The following PLXDC2 variants were observed in gnomAD, a reference collection of about 807,000 sequenced individuals.
The protein encoded by PLXDC2 is plexin domain-containing protein 2.
A neutral mutation model predicts 68.9 loss-of-function variants in PLXDC2; 40 were observed. The observed-to-expected ratio is 0.58, with a 90% confidence interval of 0.45 to 0.76. The LOEUF is 0.76. Ranked by LOEUF, PLXDC2 falls within the 30% of genes least tolerant of loss-of-function variation. The pLI, the probability that PLXDC2 is intolerant of heterozygous loss-of-function variation, is 0.00. For synonymous variants in PLXDC2, 243 were observed against 234.2 expected, an observed-to-expected ratio of 1.04 and a Z score of -0.34; for missense variants, 644 against 661.9, an observed-to-expected ratio of 0.97 and a Z score of 0.30.
intron 1 of PLXDC2, among the ~76,000 whole-genome samples, chr10:19,917,580 G>T (rs1391247815): frequency 1.3e-5 from 2 of 152,186 alleles, no homozygotes; most frequent in African/African-American, 4.8e-5. Flanking sequence ...GCAGTTTCTG[G>T]ATTTTAAGCA....
chr10:20,022,212 C>A (rs1835323954), intron 2 of PLXDC2, among the ~76,000 whole-genome samples: 1 of 152,156 alleles, frequency 6.6e-6, no homozygotes, highest in African/African-American at 2.4e-5. Flanking sequence ...TTGTGTTCAT[C>A]TATTTATTCA....
At chr10:20,054,104 C>G (rs1835952180) in intron 3 of PLXDC2, among the ~76,000 whole-genome samples, 1 of 151,972 alleles carries the variant, frequency 6.6e-6, no homozygotes, top group South Asian at 2.1e-4. Context: ...GTAGCATGAG[C>G]AAGACGGAAA....
chr10:20,058,352 T>G (rs1351392137), intron 3 of PLXDC2, among the ~76,000 whole-genome samples: 1 of 152,132 alleles, frequency 6.6e-6, no homozygotes, highest in African/African-American at 2.4e-5. Flanking sequence ...GGAACTAGAC[T>G]GCCTGGATTT....
At chr10:19,955,933 G>T (rs1834062427) in intron 1 of PLXDC2, among the ~76,000 whole-genome samples, 1 of 152,086 alleles carries the variant, frequency 6.6e-6, no homozygotes, top group South Asian at 2.1e-4. Flanking sequence ...ACAAAAATTA[G>T]CCAGGCATGG....
intron 1 of PLXDC2, among the ~76,000 whole-genome samples, chr10:19,872,959 A>T (rs149085106): frequency 6.6e-6 from 1 of 152,142 alleles, no homozygotes; most frequent in African/African-American, 2.4e-5. Flanking sequence ...TCTAATCTTT[A>T]TGCTGATTCA....
chr10:20,266,273 A>T (rs1311286892), intron 13 of PLXDC2, among the ~76,000 whole-genome samples: 1 of 151,846 alleles, frequency 6.6e-6, no homozygotes, highest in Non-Finnish European at 1.5e-5. Context: ...AACCATTGAA[A>T]ATTTTGAGCA....
At chr10:20,065,227 A>G (rs1836184120) in intron 3 of PLXDC2, among the ~76,000 whole-genome samples, 1 of 152,206 alleles carries the variant, frequency 6.6e-6, no homozygotes, top group African/African-American at 2.4e-5. Flanking sequence ...ACAAGAGCTA[A>G]GGGTAGCAAG....
chr10:20,024,855 T>A (rs1835370190), intron 2 of PLXDC2, among the ~76,000 whole-genome samples: 1 of 152,218 alleles, frequency 6.6e-6, no homozygotes, highest in South Asian at 2.1e-4. Context: ...TCTTATAGGA[T>A]AATGGCCTCT....
intron 4 of PLXDC2, among the ~76,000 whole-genome samples, chr10:20,120,321 G>T (rs1179732581): frequency 6.6e-6 from 1 of 152,176 alleles, no homozygotes; most frequent in Non-Finnish European, 1.5e-5. Flanking sequence ...AGTGATAAAA[G>T]TATTGTCCAG....
chr10:20,167,684 A>G (rs1834392990), intron 7 of PLXDC2, among the ~76,000 whole-genome samples: 2 of 152,076 alleles, frequency 1.3e-5, no homozygotes, highest in South Asian at 4.1e-4. Flanking sequence ...TCAGTTTTCT[A>G]TTCTATTAAT....
intron 12 of PLXDC2, among the ~76,000 whole-genome samples, chr10:20,232,036 CA>C: frequency 6.6e-6 from 1 of 151,524 alleles, no homozygotes; most frequent in Non-Finnish European, 1.5e-5. Context: ...CTGTGTTCAT[CA>C]AAAACTCTGT....
chr10:19,968,089 A>C (rs911531108), intron 1 of PLXDC2, among the ~76,000 whole-genome samples: 3 of 152,240 alleles, frequency 2.0e-5, no homozygotes, highest in Non-Finnish European at 4.4e-5. Flanking sequence ...GCATTGGACA[A>C]TAGAACAATC....
chr10:20,248,982 T>C (rs11011902), intron 13 of PLXDC2, among the ~76,000 whole-genome samples: 37,672 of 152,010 alleles, frequency 0.25, 4,834 homozygotes, highest in African/African-American at 0.31. Flanking sequence ...ACGCCATTTA[T>C]AGTTCCAGCA....
chr10:20,220,552 C>T (rs1835195921), intron 12 of PLXDC2, among the ~76,000 whole-genome samples: 1 of 151,898 alleles, frequency 6.6e-6, no homozygotes, highest in African/African-American at 2.4e-5. Flanking sequence ...AATATTCTAT[C>T]CTGCTAATAG....
chr10:20,021,847 C>T (rs180709371), intron 2 of PLXDC2, among the ~76,000 whole-genome samples: 13 of 152,014 alleles, frequency 8.6e-5, no homozygotes, highest in East Asian at 5.8e-4. Context: ...TACAGGCATG[C>T]GCCACCAGGC....
At chr10:20,058,559 A>G (rs1012698842) in intron 3 of PLXDC2, among the ~76,000 whole-genome samples, 4 of 152,224 alleles carry the variant, frequency 2.6e-5, no homozygotes, top group African/African-American at 7.2e-5. Context: ...TTACATCGAT[A>G]ATAATAATTA....
chr10:20,157,660 C>T (rs1378068554), intron 6 of PLXDC2, among the ~76,000 whole-genome samples: 1 of 152,114 alleles, frequency 6.6e-6, no homozygotes, highest in African/African-American at 2.4e-5. Context: ...CCAGTGTGCT[C>T]TGCTCTACTA....
rs118114672 is a variant in PLXDC2 at position 19,887,138 on chromosome 10, C to G, written c.112+69947C>G. Among the ~76,000 whole-genome samples, 13 of 152,262 alleles carry G rather than the reference C, an allele frequency of 8.5e-5. No individual in the cohort carries two copies. The East Asian group carries it at 2.3e-3, about 27-fold the overall frequency. ...GTGTTTTTAAATCTTCTAATTATGT[C>G]TTTTGTAGTTGCCAATAACATTTTC... On this transcript the variant is annotated intron_variant, in intron 1 of 13. Coordinates refer to ENST00000377252, the MANE Select transcript of PLXDC2 (RefSeq NM_032812.9).
chr10:20,060,384 T>C (rs995634929), intron 3 of PLXDC2, among the ~76,000 whole-genome samples: 1 of 151,286 alleles, frequency 6.6e-6, no homozygotes, highest in Non-Finnish European at 1.5e-5. Context: ...GAAATGACCA[T>C]TGAGAATTTT....
Sources: gnomAD v4.1 joint callset for allele counts (sites outside exome capture counted in the v4.1 genomes callset) on GRCh38, gnomAD v4.1.1 for gene constraint, MANE v1.5 for transcripts, NCBI Gene and HGNC (gene_info 2026-07-23, HGNC 2026-07-21) for gene names.